Variants in CSMD1 observed in about 807,000 individuals in gnomAD.
CSMD1 encodes the protein CUB and sushi domain-containing protein 1.
Under a neutral mutation model 417.5 loss-of-function variants are expected in CSMD1, and 213 were observed. The ratio of observed to expected loss-of-function variants is 0.51; its 90% CI spans 0.46 to 0.57. CSMD1 has a LOEUF of 0.57. Among genes scored for constraint, CSMD1 ranks in the 20% least tolerant of loss-of-function variants. The pLI is 0.00. For missense variants in CSMD1, 6,923 were observed against 4,529.7 expected, an observed-to-expected ratio of 1.53 and a Z score of -15.17; for synonymous variants, 2,862 against 1,736.8, an observed-to-expected ratio of 1.65 and a Z score of -16.11.
intron 23 of CSMD1, among the ~76,000 whole-genome samples, chr8:3,341,912 G>A (rs13259200): frequency 0.53 from 80,771 of 151,928 alleles, 21,600 homozygotes; most frequent in Admixed American, 0.59. Context: ...CGACAGGGAC[G>A]AGAAGTGGAA....
At chr8:3,030,498 G>A (rs933521405) in intron 50 of CSMD1, among the ~76,000 whole-genome samples, 19 of 151,744 alleles carry the variant, frequency 1.3e-4, no homozygotes, top group Admixed American at 1.2e-3. Context: ...ACAAAGTCTC[G>A]CTCTCTGTCT....
In CSMD1 at chr8:3,850,728, A is replaced by G. The variant is rs1187274073; in HGVS notation, c.819-96686T>C. Among the ~76,000 whole-genome samples, 4 of 152,164 alleles carry G rather than the reference A, an allele frequency of 2.6e-5. No homozygotes were observed. The East Asian group carries it at 7.7e-4, about 29-fold the overall frequency. On this transcript the variant is annotated intron_variant, in intron 5 of 69. Transcript: ENST00000635120. ...AATATAAATAAACATAAAAAAATAA[A>G]ACAATAAAAAAATTGAAATTCGCAT...
chr8:4,282,217 A>C (rs1000515566), intron 3 of CSMD1, among the ~76,000 whole-genome samples: 1 of 152,252 alleles, frequency 6.6e-6, no homozygotes, highest in South Asian at 2.1e-4. Context: ...AAATAAACAG[A>C]AACATAAAAT....
At chr8:4,300,641 G>A (rs532072123) in intron 3 of CSMD1, among the ~76,000 whole-genome samples, 4 of 152,076 alleles carry the variant, frequency 2.6e-5, no homozygotes, top group African/African-American at 4.8e-5. Context: ...CCATTAACTC[G>A]TCATTTAGCA....
At chr8:3,527,181 T>G (rs1797788041) in intron 10 of CSMD1, among the ~76,000 whole-genome samples, 1 of 152,204 alleles carries the variant, frequency 6.6e-6, no homozygotes, top group Admixed American at 6.5e-5. Flanking sequence ...AATAAAATTT[T>G]AATATAAAAC....
chr8:4,848,938 T>A (rs1389995858), intron 1 of CSMD1, among the ~76,000 whole-genome samples: 1 of 152,248 alleles, frequency 6.6e-6, no homozygotes, highest in African/African-American at 2.4e-5. Context: ...AGGTACTTGT[T>A]CTACTTATAA....
At chr8:3,490,627 G>T (rs1414908481) in intron 11 of CSMD1, among the ~76,000 whole-genome samples, 1 of 151,962 alleles carries the variant, frequency 6.6e-6, no homozygotes, top group Non-Finnish European at 1.5e-5. Flanking sequence ...ATATTTTATA[G>T]CCAGGAAAAG....
chr8:4,209,567 C>G (rs1421790303), intron 3 of CSMD1, among the ~76,000 whole-genome samples: 1 of 152,154 alleles, frequency 6.6e-6, no homozygotes, highest in South Asian at 2.1e-4. Flanking sequence ...CCTCTTCTGG[C>G]ATTTGTCCAC....
At chr8:3,513,964 A>G (rs562787458) in intron 10 of CSMD1, among the ~76,000 whole-genome samples, 1 of 152,342 alleles carries the variant, frequency 6.6e-6, no homozygotes, top group African/African-American at 2.4e-5. Context: ...TTGTAATAAG[A>G]AAACAGAGAA....
At chr8:3,443,900 C>G (rs747047934) in intron 12 of CSMD1, among the ~76,000 whole-genome samples, 3 of 152,118 alleles carry the variant, frequency 2.0e-5, no homozygotes, top group Non-Finnish European at 4.4e-5. Flanking sequence ...TAAGATACAG[C>G]AACTGAGAAA....
At chr8:3,867,875 C>A (rs767341195) in intron 5 of CSMD1, among the ~76,000 whole-genome samples, 11 of 152,064 alleles carry the variant, frequency 7.2e-5, no homozygotes, top group Non-Finnish European at 1.5e-4. Context: ...CTGGCCAGAT[C>A]TTCCTGAACC....
chr8:3,728,929 A>C (rs114982290), intron 6 of CSMD1, among the ~76,000 whole-genome samples: 1,754 of 152,282 alleles, frequency 0.012, 25 homozygotes, highest in African/African-American at 0.04. Context: ...TTAAATCAAT[A>C]ATCCCAAAAT....
chr8:4,098,744 C>T (rs768554426), intron 3 of CSMD1, among the ~76,000 whole-genome samples: 11 of 152,216 alleles, frequency 7.2e-5, no homozygotes, highest in African/African-American at 1.9e-4. Context: ...TTTATCCCTT[C>T]TGCTCTCCTT....
intron 7 of CSMD1, among the ~76,000 whole-genome samples, chr8:3,632,191 G>C (rs1294874335): frequency 1.3e-5 from 2 of 152,172 alleles, no homozygotes; most frequent in Non-Finnish European, 2.9e-5. Flanking sequence ...AGCAAAGGCA[G>C]AACTACTTTG....
chr8:4,754,066 G>T (rs978386122), intron 1 of CSMD1, among the ~76,000 whole-genome samples: 3 of 152,050 alleles, frequency 2.0e-5, no homozygotes, highest in African/African-American at 7.2e-5. Flanking sequence ...AAATGTATGC[G>T]TTGCTCACCA....
At chr8:3,557,783 C>G (rs1438287167) in intron 10 of CSMD1, among the ~76,000 whole-genome samples, 1 of 152,148 alleles carries the variant, frequency 6.6e-6, no homozygotes, top group Non-Finnish European at 1.5e-5. Flanking sequence ...TTGCCTAGGA[C>G]AGATAGAGTC....
At chr8:3,035,109 TTTAAAGAA>T (rs1810586914) in intron 50 of CSMD1, among the ~76,000 whole-genome samples, 5 of 152,176 alleles carry the variant, frequency 3.3e-5, no homozygotes, top group Non-Finnish European at 5.9e-5. Context: ...TGCTGACATT[TTTAAAGAA>T]AACACTTGGT....
At chr8:4,078,486 G>A (rs755367188) in intron 3 of CSMD1, among the ~76,000 whole-genome samples, 1 of 151,468 alleles carries the variant, frequency 6.6e-6, no homozygotes, top group Non-Finnish European at 1.5e-5. Flanking sequence ...GGATGGTCTC[G>A]ATCTCCTGAC....
At chr8:3,065,898 G>C (rs943202140) in intron 49 of CSMD1, among the ~76,000 whole-genome samples, 8 of 152,168 alleles carry the variant, frequency 5.3e-5, no homozygotes, top group African/African-American at 1.9e-4. Flanking sequence ...AATGAGTGAA[G>C]AGCGTAGTTT....
Sources: gnomAD v4.1 joint callset for allele counts (sites outside exome capture counted in the v4.1 genomes callset) on GRCh38, gnomAD v4.1.1 for gene constraint, MANE v1.5 for transcripts, NCBI Gene and HGNC (gene_info 2026-07-23, HGNC 2026-07-21) for gene names.